TCEA1: variants seen among roughly 807,000 people sequenced by gnomAD.
The protein encoded by TCEA1 is transcription elongation factor A protein 1.
A neutral mutation model predicts 43.8 loss-of-function variants in TCEA1; 21 were observed. The observed-to-expected ratio is 0.48, with a 90% CI of 0.34 to 0.69. TCEA1 has a LOEUF of 0.69. TCEA1 is among the 30% of genes least tolerant of loss of function. TCEA1 has a pLI of 0.01. For synonymous variants in TCEA1, 104 were observed against 117.5 expected (o/e 0.88, Z 0.75); for missense variants, 250 against 365.1 (o/e 0.68, Z 2.57).
At chr8:53,980,775 C>T (rs538686470) in intron 7 of TCEA1, among the ~76,000 whole-genome samples, 1 of 152,270 alleles carries the variant, frequency 6.6e-6, no homozygotes, top group African/African-American at 2.4e-5. Context: ...GAAGAGTCAA[C>T]ATGTCTCACT....
At position 53,972,644 on chromosome 8, in the gene TCEA1, G is replaced by C. The variant is rs1239019693; in HGVS notation, c.826-2181C>G. The C allele has an allele frequency of 6.5e-6, 4 of 612,878 alleles. No individual in the cohort carries two copies. The East Asian group carries it at 1.4e-4, about 22-fold the overall frequency. The allele number at this position is 612,878 out of a possible 1,614,324, so 38.0% of individuals were successfully genotyped here. ...CAGAGTTTGGAAAGGAGAGGGTGAAGGAAGAGCAAGTTTGAGGATCAGTAG... is the reference window on the plus strand; with the variant it reads ...CAGAGTTTGGAAAGGAGAGGGTGAACGAAGAGCAAGTTTGAGGATCAGTAG... On this transcript the variant is annotated intron_variant, in intron 8 of 9. Transcript: ENST00000521604.
chr8:54,016,953 G>A (rs1351332967), intron 1 of TCEA1, among the ~76,000 whole-genome samples: 4 of 126,646 alleles, frequency 3.2e-5, no homozygotes, highest in Admixed American at 1.0e-4. Context: ...CAGCCTGAGC[G>A]ACAGAGCAAG....
chr8:54,017,953 G>A lies in TCEA1; in HGVS notation c.63+4110C>T, dbSNP rs972710303. On this transcript the variant is annotated intron_variant, in intron 1 of 9. Transcript: ENST00000521604. ...AAAGTTATACTACTTGACTGCATGC[G>A]GGTAGGGAGGGGGGATAGTGTGAGC... 7.2e-5 allele frequency among the ~76,000 whole-genome samples: 11 copies of A among 152,132 alleles called. No individual in the cohort carries two copies. The South Asian group carries it at 1.4e-3, about 20-fold the overall frequency.
chr8:53,999,764 A>G, intron 3 of TCEA1, 181 bp downstream of exon 3: 2 of 498,106 alleles, frequency 4.0e-6, no homozygotes, highest in Non-Finnish European at 7.1e-6. Context: ...ACTGGCCTAA[A>G]AGGCAAAAAA....
chr8:53,992,881 G>T (rs1013965937), intron 4 of TCEA1, among the ~76,000 whole-genome samples: 1 of 151,938 alleles, frequency 6.6e-6, no homozygotes, highest in Non-Finnish European at 1.5e-5. Context: ...ACATGCAAAG[G>T]CCTCATAGGA....
chr8:54,016,555 G>A (rs1804832805), intron 1 of TCEA1, among the ~76,000 whole-genome samples: 1 of 152,136 alleles, frequency 6.6e-6, no homozygotes, highest in Admixed American at 6.5e-5. Flanking sequence ...TAAGCAAATC[G>A]TGGTTGGGTG....
intron 2 of TCEA1, among the ~76,000 whole-genome samples, chr8:54,006,983 G>A (rs924169006): frequency 6.6e-6 from 1 of 152,086 alleles, no homozygotes; most frequent in Non-Finnish European, 1.5e-5. Flanking sequence ...GATTATTACA[G>A]GCACATGCCA....
rs370488546 is a variant in TCEA1, at chr8:53,979,186, G to A, written c.679-15C>T. 2.6e-5 allele frequency: 42 copies of A among 1,609,296 alleles called. No individual in the cohort carries two copies. The African/African-American group carries it at 3.9e-4, about 15-fold the overall frequency. On this transcript the variant is annotated splice_polypyrimidine_tract_variant and intron_variant, in intron 7 of 9. Transcript: ENST00000521604. ...CTAGCCATTTCCTATGAGGTAGGGG[G>A]CAATACCACTCAGTTATAGACACCT... is the stretch of plus-strand genomic sequence containing the variant.
At position 53,984,519 on chromosome 8, in the gene TCEA1, T is replaced by A. The variant is rs1414536604; in HGVS notation, c.524-2A>T. 1 of 1,553,912 alleles carries A rather than the reference T, an allele frequency of 6.4e-7. No homozygotes were observed. Among genetic ancestry groups the A allele is most frequent in the Non-Finnish European group, 8.7e-7 (1 of 1,154,654 alleles). On this transcript the variant is annotated splice_acceptor_variant, in intron 6 of 9. Transcript: ENST00000521604. LOFTEE classifies it high-confidence loss of function. The stretch of plus-strand genomic sequence containing the variant: ...TATTCCTTATTTCTTGATATATAGG[T>A]ACCAGGCCGTTAAGGAAAAAAGGCA...
chr8:53,993,504 T>C (rs1803946497), intron 4 of TCEA1, 164 bp downstream of exon 4: 1 of 503,250 alleles, frequency 2.0e-6, no homozygotes, highest in Admixed American at 3.7e-5. Flanking sequence ...TCAAGAAATC[T>C]GAAAAAAAAA....
chr8:53,984,643 G>T, intron 6 of TCEA1, 126 bp from the exon 7 acceptor site: 1 of 679,402 alleles, frequency 1.5e-6, no homozygotes, highest in Non-Finnish European at 2.3e-6. Context: ...CAGCACTTTG[G>T]GAGGCTGAGG....
rs201107451 is a variant in TCEA1, at chr8:53,970,436, T to C, written c.853A>G (p.Met285Val). The change falls in exon 9 of 10, where the codon ATG (methionine) becomes GTG (valine). Residue 285 changes from methionine to valine, a missense_variant. Physicochemically the swap from Met to Val is conservative, Grantham distance 21. Around this residue, in one of 4 missense-constraint regions of TCEA1, gnomAD observed 46 missense variants for 109.8 expected, o/e 0.42. Transcript: ENST00000521604. ...QVQTRSADEP[M>V]TTFVVCNECG... ...TCATTACAGACAACAAATGTTGTCA[T>C]TGGTTCATCAGCACTACGGGTTTGT... 1.2e-5 allele frequency: 19 copies of C among 1,611,624 alleles called. No homozygotes were observed. In the Admixed American group the frequency reaches 1.3e-4, roughly 11 times the overall value.
intron 4 of TCEA1, among the ~76,000 whole-genome samples, chr8:53,992,887 T>C (rs1288512450): frequency 1.3e-5 from 2 of 151,720 alleles, no homozygotes; most frequent in Non-Finnish European, 2.9e-5. Flanking sequence ...AAAGGCCTCA[T>C]AGGAGGTGAG....
rs1803749824 is a variant in TCEA1, at chr8:53,988,144, C to T, written c.436G>A (p.Glu146Lys). 6.2e-7 allele frequency: 1 copy of T among 1,612,234 alleles called. No individual in the cohort carries two copies. Among genetic ancestry groups the T allele is most frequent in the South Asian group, 1.1e-5 (1 of 90,836 alleles). Residue 146 changes from glutamate to lysine, a missense_variant, in exon 5 of 10, where the codon GAG (glutamate) becomes AAG (lysine). Physicochemically the swap from Glu to Lys is moderately conservative, Grantham distance 56 (BLOSUM62 1). Around this residue, in one of 4 missense-constraint regions of TCEA1, gnomAD observed 147 missense variants for 160.3 expected, o/e 0.92. Transcript: ENST00000521604. ...TSDSVRLKCR[E>K]MLAAALRTGD... ...GTTCGAAGAGCTGCAGCAAGCATCT[C>T]CCTACACTTCAACCGCACAGAATCA...
intron 2 of TCEA1, among the ~76,000 whole-genome samples, chr8:54,007,622 A>C (rs1019661238): frequency 6.6e-6 from 1 of 152,274 alleles, no homozygotes; most frequent in African/African-American, 2.4e-5. Flanking sequence ...CTGGTAATAC[A>C]ACTGTGGTTT....
intron 1 of TCEA1, among the ~76,000 whole-genome samples, chr8:54,016,646 T>C (rs1218487992): frequency 2.6e-5 from 4 of 151,614 alleles, no homozygotes; most frequent in Non-Finnish European, 5.9e-5. Context: ...CTAGACCAGC[T>C]TGGCCGACAT....
At chr8:53,977,591 A>T (rs192343009) in intron 8 of TCEA1, among the ~76,000 whole-genome samples, 1 of 152,358 alleles carries the variant, frequency 6.6e-6, no homozygotes, top group Non-Finnish European at 1.5e-5. Context: ...TGAAAAAATC[A>T]ATTCCCCAAA....
Position 54,022,401 on chromosome 8 carries a change from T to G in TCEA1, c.-276A>C. On this transcript the variant is annotated 5_prime_UTR_variant, in exon 1 of 10. Coordinates refer to ENST00000521604, the MANE Select transcript of TCEA1 (RefSeq NM_006756.4). ...ATCGCTGGTGAGGGGCGAGCCCATG[T>G]TCCCGCCAGGCGGGCGTCGGGCTAG... 40 of 470,886 alleles carry G rather than the reference T, an allele frequency of 8.5e-5. No homozygotes were observed. The highest frequency in any genetic ancestry group is 1.1e-4 in the Non-Finnish European group (28 of 264,264). The allele number at this position is 470,886 out of a possible 1,614,324, so 29.2% of individuals were successfully genotyped here. A position where few individuals can be genotyped will look rare whatever the true frequency, so the allele number is the denominator to read the frequency against.
intron 5 of TCEA1, among the ~76,000 whole-genome samples, chr8:53,987,879 C>T (rs1803737404): frequency 6.6e-6 from 1 of 152,142 alleles, no homozygotes; most frequent in South Asian, 2.1e-4. Context: ...GGAAAACATC[C>T]ATGTATTAGA....
Sources: allele counts gnomAD v4.1 joint callset (sites outside exome capture counted in the v4.1 genomes callset), GRCh38; gene constraint gnomAD v4.1.1; regional missense constraint gnomAD v4.1.1; transcripts MANE v1.5; gene names NCBI Gene and HGNC (gene_info 2026-07-23, HGNC 2026-07-21).